The following AXL variants were observed in gnomAD, a reference collection of about 807,000 sequenced individuals.
The protein encoded by AXL is tyrosine-protein kinase receptor UFO.
A neutral mutation model predicts 104.5 loss-of-function variants in AXL; 52 were observed. That is an observed-to-expected ratio of 0.50 (90% CI 0.40 to 0.63). The LOEUF (loss-of-function observed/expected upper bound fraction) is 0.63. Ranked by LOEUF, AXL falls within the 20% of genes least tolerant of loss-of-function variation. The pLI is 0.00. For missense variants in AXL, 1,024 were observed against 1,188.5 expected, an observed-to-expected ratio of 0.86 and a Z score of 2.04; for synonymous variants, 455 against 473.7, an observed-to-expected ratio of 0.96 and a Z score of 0.51.
rs1568410555 is a variant in AXL, at chr19:41,230,969, C to CATA, written c.589_590insATA (p.Leu197delinsHisMet). ...CCTTCCCTCATATGACTCCCTAGGG[C>CATA]TGAACAAGACATCCTCTTTCTCCTG... On this transcript the variant is annotated protein_altering_variant, in exon 5 of 20. Coordinates refer to ENST00000301178, the MANE Select transcript of AXL (RefSeq NM_021913.5). 6.2e-7 allele frequency: 1 copy of CATA among 1,613,844 alleles called. No homozygotes were observed. The highest frequency in any genetic ancestry group is 8.5e-7 in the Non-Finnish European group (1 of 1,179,862).
At chr19:41,225,472 T>A (rs1269368878) in intron 4 of AXL, among the ~76,000 whole-genome samples, 2 of 152,230 alleles carry the variant, frequency 1.3e-5, no homozygotes, top group Non-Finnish European at 2.9e-5. Flanking sequence ...TGTATCTATC[T>A]GTCCACCTCA....
intron 3 of AXL, chr19:41,221,525 G>C (rs1181143941): frequency 4.0e-6 from 2 of 498,102 alleles, no homozygotes; most frequent in Non-Finnish European, 7.1e-6. Context: ...CAGGTCACAG[G>C]AGGCCATTCT....
Position 41,242,942 on chromosome 19 carries a change from G to C in AXL, c.1372G>C (p.Val458Leu). 6.2e-7 allele frequency: 1 copy of C among 1,614,234 alleles called. No individual in the cohort carries two copies. Reference sequence around the variant, plus strand: ...CTGGTGGTATGTACTGCTAGGAGCAGTCGTGGCCGCTGCCTGTGTCCTCAT... The same window carrying C: ...CTGGTGGTATGTACTGCTAGGAGCACTCGTGGCCGCTGCCTGTGTCCTCAT... ...WPWWYVLLGAVVAAACVLILA... is the reference protein window; with the variant it reads ...WPWWYVLLGALVAAACVLILA... The change falls in exon 11 of 20, where the codon GTC becomes CTC. Residue 458 changes from valine to leucine, a missense_variant. Val to Leu is a conservative substitution (Grantham distance 32, BLOSUM62 1). Transcript: ENST00000301178.
At position 41,257,616 on chromosome 19, in the gene AXL, T is replaced by C; in HGVS notation, c.2320T>C (p.Cys774Arg). Residue 774 changes from cysteine to arginine, a missense_variant, in exon 19 of 20, where the codon TGT (cysteine) becomes CGT (arginine). Around this residue, in one of 5 missense-constraint regions of AXL, gnomAD observed 523 missense variants for 636.0 expected, o/e 0.82. Coordinates refer to ENST00000301178, the MANE Select transcript of AXL (RefSeq NM_021913.5). ...QGNRLKQPAD[C>R]LDGLYALMSR... ...AAATCGCCTGAAGCAGCCTGCGGAC[T>C]GTCTGGATGGACTGTGAGGACCCTT... 2 of 1,614,208 alleles carry C rather than the reference T, an allele frequency of 1.2e-6. No individual in the cohort carries two copies. The highest frequency in any genetic ancestry group is 1.7e-6 in the Non-Finnish European group (2 of 1,180,032).
intron 16 of AXL, 91 bp from the exon 17 acceptor site, chr19:41,253,508 G>A: frequency 1.0e-6 from 1 of 956,036 alleles, no homozygotes; most frequent in Non-Finnish European, 1.6e-6. Context: ...ACCACTGCGG[G>A]CAGAGCTAGG....
At chr19:41,258,046 T>C (rs552787991) in intron 19 of AXL, among the ~76,000 whole-genome samples, 2 of 152,392 alleles carry the variant, frequency 1.3e-5, no homozygotes, top group South Asian at 2.1e-4. Context: ...GTTTGTTTTA[T>C]TGGCCTTCTC....
intron 7 of AXL, 21 bp downstream of exon 7, chr19:41,238,175 A>G (rs1405408549): frequency 6.2e-7 from 1 of 1,610,038 alleles, no homozygotes; most frequent in Non-Finnish European, 8.5e-7. Flanking sequence ...TTGGGGAGGG[A>G]CACGTCACCA....
chr19:41,223,551 C>T (rs547970980), intron 4 of AXL, among the ~76,000 whole-genome samples: 71 of 152,214 alleles, frequency 4.7e-4, no homozygotes, highest in African/African-American at 1.6e-3. Flanking sequence ...ATCAGCTTCC[C>T]GCACTCCCAA....
intron 19 of AXL, among the ~76,000 whole-genome samples, 155 bp downstream of exon 19, chr19:41,257,784 G>C (rs1174468698): frequency 1.3e-5 from 2 of 152,178 alleles, no homozygotes; most frequent in Non-Finnish European, 2.9e-5. Flanking sequence ...TCTGAGTAGG[G>C]CCATCACTAA....
At chr19:41,258,935 G>C (rs1296499412) in intron 19 of AXL, among the ~76,000 whole-genome samples, 2 of 152,222 alleles carry the variant, frequency 1.3e-5, no homozygotes, top group Non-Finnish European at 2.9e-5. Context: ...GGGACTGGAG[G>C]ATTGCTTTCA....
chr19:41,259,538 A>G lies in AXL; in HGVS notation c.2334-15A>G, dbSNP rs2034502309. 1 of 1,569,744 alleles carries G rather than the reference A, an allele frequency of 6.4e-7. No homozygotes were observed. The highest frequency in any genetic ancestry group is 1.8e-5 in the Admixed American group (1 of 56,536). ...GTCCCTGCTCAATCTCCCACCCCTCATTTTGCTGCCCTAGGTATGCCTTGA... is the reference window on the plus strand; with the variant it reads ...GTCCCTGCTCAATCTCCCACCCCTCGTTTTGCTGCCCTAGGTATGCCTTGA... On this transcript the variant is annotated splice_polypyrimidine_tract_variant and intron_variant, in intron 19 of 19. Transcript: ENST00000301178.
chr19:41,238,446 C>G (rs2034121863), intron 7 of AXL, 24 bp from the exon 8 acceptor site: 1 of 1,598,006 alleles, frequency 6.3e-7, no homozygotes, highest in Non-Finnish European at 8.6e-7. Flanking sequence ...GGGGTGCCAG[C>G]TTCCCCTCTT....
In AXL at chr19:41,259,749, A is replaced by G. The variant is rs774444081; in HGVS notation, c.2530A>G (p.Thr844Ala). The G allele has an allele frequency of 6.2e-7, 1 of 1,613,574 alleles. No homozygotes were observed. Among genetic ancestry groups the G allele is most frequent in the Non-Finnish European group, 8.5e-7 (1 of 1,179,884 alleles). The change falls in exon 20 of 20, where the codon ACC becomes GCC. Residue 844 changes from threonine to alanine, a missense_variant. Physicochemically the swap from Thr to Ala is moderately conservative, Grantham distance 58. Coordinates refer to ENST00000301178, the MANE Select transcript of AXL (RefSeq NM_021913.5). ...AGCTGCAGGAGGAGCTGACCCCCCA[A>G]CCCAGCCAGACCCTAAGGATTCCTG... ...PGAAGGADPP[T>A]QPDPKDSCSC...
Position 41,220,748 on chromosome 19 carries a change from G to C in AXL, c.198G>C (p.Glu66Asp). The C allele has an allele frequency of 1.2e-6, 2 of 1,614,196 alleles. No individual in the cohort carries two copies. Among genetic ancestry groups the C allele is most frequent in the Non-Finnish European group, 1.7e-6 (2 of 1,180,008 alleles). Residue 66 changes from glutamate (E) to aspartate (D), a missense_variant, in exon 2 of 20, where the codon GAG (glutamate) becomes GAC (aspartate). Glu to Asp is a conservative substitution (Grantham distance 45). This residue lies in a region of AXL where 124 missense variants were observed against 115.5 expected (regional missense o/e 1.07). Transcript: ENST00000301178. Reference protein sequence around the residue: ...CQLQVQGEPPEVHWLRDGQIL... With the variant: ...CQLQVQGEPPDVHWLRDGQIL... ...TCCAGGTTCAGGGAGAGCCCCCCGA[G>C]GTACATTGGCTTCGGGATGGACAGA...
Position 41,253,807 on chromosome 19 carries a change from G to A in AXL, c.2036+99G>A, listed in dbSNP as rs751330708. 1.1e-4 allele frequency: 110 copies of A among 975,308 alleles called. 1 individual carries two copies. The highest frequency in any genetic ancestry group is 8.6e-4 in the African/African-American group (53 of 61,812). The allele number at this position is 975,308 out of a possible 1,614,324, so 60.4% of individuals were successfully genotyped here. On this transcript the variant is annotated intron_variant, in intron 17 of 19. Coordinates refer to ENST00000301178, the MANE Select transcript of AXL (RefSeq NM_021913.5). ...AGGATGGAAGCAGGGCTAGACACCC[G>A]CTGAGGGCAGGTCAGAACTCAGGAC...
In AXL at chr19:41,257,692, G is replaced by A. The variant is rs535697629; in HGVS notation, c.2333+63G>A. ...TCCAAACCCCTGACTACCCCCAGAT[G>A]GCCCTCACAGGTCCAGGACTCTCTA... On this transcript the variant is annotated intron_variant, in intron 19 of 19. Transcript: ENST00000301178. The A allele has an allele frequency of 1.4e-5, 23 of 1,600,232 alleles. No individual in the cohort carries two copies. The East Asian group carries it at 3.4e-4, about 23-fold the overall frequency.
chr19:41,233,046 G>C (rs1393110121), intron 6 of AXL, among the ~76,000 whole-genome samples: 4 of 151,376 alleles, frequency 2.6e-5, no homozygotes, highest in Non-Finnish European at 5.9e-5. Flanking sequence ...CTGGAGTGCT[G>C]TGGCGTGATC....
intron 4 of AXL, among the ~76,000 whole-genome samples, chr19:41,223,903 G>A (rs113515572): frequency 2.0e-5 from 3 of 152,012 alleles, no homozygotes; most frequent in Non-Finnish European, 4.4e-5. Flanking sequence ...TAGTGTATCC[G>A]TCAGCACAAC....
At position 41,238,030 on chromosome 19, in the gene AXL, C is replaced by T. The variant is rs2034111575; in HGVS notation, c.870C>T (p.Pro290=). The change falls in exon 7 of 20, where the codon CCC becomes CCT. Residue 290 remains proline (P), a synonymous_variant. Transcript: ENST00000301178. ...CCCTCACCTCGCAAGCATCCGTGCC[C>T]CCCCATCAGCTTCGGCTAGGCAGCC... is the stretch of plus-strand genomic sequence containing the variant. The part of the protein sequence containing the change: ...EEPLTSQASV[P]PHQLRLGSLH... The T allele has an allele frequency of 1.2e-6, 2 of 1,613,856 alleles. No individual in the cohort carries two copies. Among genetic ancestry groups the T allele is most frequent in the Admixed American group, 1.7e-5 (1 of 59,956 alleles).
Sources: allele counts gnomAD v4.1 joint callset (sites outside exome capture counted in the v4.1 genomes callset), GRCh38; gene constraint gnomAD v4.1.1; regional missense constraint gnomAD v4.1.1; transcripts MANE v1.5; gene names NCBI Gene and HGNC (gene_info 2026-07-23, HGNC 2026-07-21).